STK32A: variants seen among roughly 807,000 people sequenced by gnomAD.
STK32A encodes serine/threonine kinase 32A, also known as serine/threonine-protein kinase 32A.
STK32A carries 41 observed loss-of-function variants against 53.2 expected under a neutral mutation model. The observed-to-expected ratio is 0.77, with a 90% confidence interval of 0.60 to 1.00. STK32A has a LOEUF of 1.00. STK32A is among the 50% of genes least tolerant of loss of function. STK32A has a pLI of 0.00. For synonymous variants in STK32A, 166 were observed against 162.8 expected, an observed-to-expected ratio of 1.02 and a Z score of -0.15; for missense variants, 458 against 485.8, an observed-to-expected ratio of 0.94 and a Z score of 0.54.
At chr5:147,263,815 A>G (rs1007815052) in intron 2 of STK32A, among the ~76,000 whole-genome samples, 23 of 152,182 alleles carry the variant, frequency 1.5e-4, no homozygotes, top group African/African-American at 5.5e-4. Context: ...ATTTTAAGAA[A>G]AAGAGTCCAG....
At chr5:147,294,669 C>CA (rs112364846) in intron 4 of STK32A, among the ~76,000 whole-genome samples, 4 of 148,810 alleles carry the variant, frequency 2.7e-5, no homozygotes, top group African/African-American at 9.7e-5. Context: ...TATATCTAGT[C>CA]ATTTTTTTTT....
At chr5:147,324,595 A>C (rs1754488148) in intron 5 of STK32A, among the ~76,000 whole-genome samples, 1 of 152,190 alleles carries the variant, frequency 6.6e-6, no homozygotes, top group Non-Finnish European at 1.5e-5. Flanking sequence ...CAAATAACAT[A>C]AGAAACCATA....
intron 2 of STK32A, among the ~76,000 whole-genome samples, chr5:147,247,146 A>G (rs1247793251): frequency 4.6e-5 from 7 of 152,248 alleles, no homozygotes; most frequent in Non-Finnish European, 8.8e-5. Context: ...CTTCAAGCCT[A>G]CTATCTTCAA....
the STK32A span, chr5:147,401,792 G>A: frequency 6.9e-7 from 1 of 1,450,644 alleles, no homozygotes; most frequent in South Asian, 1.3e-5. Flanking sequence ...ACCCAGGACT[G>A]TGTCTCAGAG....
At chr5:147,249,209 G>T (rs1753876303) in intron 2 of STK32A, among the ~76,000 whole-genome samples, 1 of 151,988 alleles carries the variant, frequency 6.6e-6, no homozygotes, top group Non-Finnish European at 1.5e-5. Context: ...TGTGGAAATA[G>T]AATTTTTTTT....
At chr5:147,383,226 G>T (rs1561761178) in intron 11 of STK32A, 11 of 579,282 alleles carry the variant, frequency 1.9e-5, no homozygotes, top group Non-Finnish European at 3.0e-5. Flanking sequence ...TTCTGCCAGT[G>T]CAATCGCTGT....
intron 2 of STK32A, among the ~76,000 whole-genome samples, chr5:147,264,784 C>G (rs191108531): frequency 6.6e-6 from 1 of 152,012 alleles, no homozygotes. Flanking sequence ...GTGGAGATCA[C>G]CCAATGCATA....
chr5:147,327,510 T>G (rs1754658740), intron 5 of STK32A, among the ~76,000 whole-genome samples: 2 of 152,210 alleles, frequency 1.3e-5, no homozygotes, highest in African/African-American at 2.4e-5. Context: ...TAGATTAAAA[T>G]CTACATTTTG....
intron 7 of STK32A, among the ~76,000 whole-genome samples, chr5:147,359,733 G>A (rs1286695027): frequency 6.6e-6 from 1 of 152,152 alleles, no homozygotes; most frequent in Non-Finnish European, 1.5e-5. Flanking sequence ...ATTGCACTGG[G>A]GGCTGTGACT....
intron 2 of STK32A, among the ~76,000 whole-genome samples, chr5:147,244,222 CTTTT>C (rs1001751752): frequency 2.0e-5 from 3 of 152,272 alleles, no homozygotes; most frequent in African/African-American, 4.8e-5. Context: ...GATTCTCTTT[CTTTT>C]TAAGTCTGAG....
chr5:147,325,097 A>G (rs1754514156), intron 5 of STK32A, among the ~76,000 whole-genome samples: 1 of 152,180 alleles, frequency 6.6e-6, no homozygotes. Flanking sequence ...TATGATACCA[A>G]TTCACATTAC....
intron 7 of STK32A, among the ~76,000 whole-genome samples, chr5:147,357,488 A>G (rs1328394519): frequency 1.3e-5 from 2 of 152,028 alleles, no homozygotes; most frequent in African/African-American, 4.8e-5. Context: ...CTTGCCTTTT[A>G]TATATTTGGA....
the STK32A span, among the ~76,000 whole-genome samples, chr5:147,398,175 G>A: frequency 6.6e-6 from 1 of 152,334 alleles, no homozygotes; most frequent in East Asian, 1.9e-4. Flanking sequence ...GGTGGGCAGA[G>A]AGGTTATGTG....
At chr5:147,248,121 C>CAAA (rs34098316) in intron 2 of STK32A, among the ~76,000 whole-genome samples, 90 of 80,106 alleles carry the variant, frequency 1.1e-3, no homozygotes, top group African/African-American at 2.8e-3. Context: ...AACTCCGTCT[C>CAAA]AAAAAAAAAA....
chr5:147,281,957 C>T (rs1752083884), intron 4 of STK32A, among the ~76,000 whole-genome samples: 1 of 152,120 alleles, frequency 6.6e-6, no homozygotes, highest in Admixed American at 6.5e-5. Context: ...CTATCTCTGG[C>T]CTCCTCAAAA....
intron 8 of STK32A, among the ~76,000 whole-genome samples, chr5:147,368,602 T>G (rs1461463454): frequency 6.6e-6 from 1 of 152,160 alleles, no homozygotes; most frequent in Admixed American, 6.5e-5. Context: ...AGGCATTCAA[T>G]AAATAATTGG....
chr5:147,294,021 T>C (rs1581051400), intron 4 of STK32A, among the ~76,000 whole-genome samples: 1 of 152,226 alleles, frequency 6.6e-6, no homozygotes, highest in East Asian at 1.9e-4. Context: ...TTCATAAATC[T>C]TTTATAACCT....
In STK32A at chr5:147,355,796, A is replaced by G. The variant is rs1001456905; in HGVS notation, c.562+4642A>G. On this transcript the variant is annotated intron_variant, in intron 7 of 12. Coordinates refer to ENST00000397936, the MANE Select transcript of STK32A (RefSeq NM_001112724.2). ...TATGTGTGTGAGTGTGTGTGTGTAT[A>G]TATATATATATATATAAATAAGTTC... 5.9e-3 allele frequency among the ~76,000 whole-genome samples: 853 copies of G among 144,738 alleles called. 7 individuals are homozygous for G. The highest frequency in any genetic ancestry group is 0.021 in the African/African-American group (769 of 37,344). The allele number at this position is 144,738 out of a possible 152,430, so 95.0% of individuals were successfully genotyped here.
the STK32A span, chr5:147,401,758 C>G: frequency 7.5e-6 from 12 of 1,590,430 alleles, no homozygotes; most frequent in Middle Eastern, 1.7e-4. Flanking sequence ...TGGGCCAAGC[C>G]TATTTAATTT....
Sources: allele counts gnomAD v4.1 joint callset (sites outside exome capture counted in the v4.1 genomes callset), GRCh38; gene constraint gnomAD v4.1.1; transcripts MANE v1.5; gene names NCBI Gene and HGNC (gene_info 2026-07-23, HGNC 2026-07-21).